Variants in DNAH6 observed in about 807,000 individuals in gnomAD.
The protein encoded by DNAH6 is dynein axonemal heavy chain 6, also known as axonemal beta dynein heavy chain 6.
Under a neutral mutation model 491.4 loss-of-function variants are expected in DNAH6, and 340 were observed. The observed-to-expected ratio is 0.69, with a 90% CI of 0.63 to 0.76. The LOEUF (loss-of-function observed/expected upper bound fraction) is 0.76. DNAH6 is among the 30% of genes least tolerant of loss of function. The pLI is 0.00. For missense variants in DNAH6, 4,443 were observed against 4,972.2 expected, an observed-to-expected ratio of 0.89 and a Z score of 3.20; for synonymous variants, 1,603 against 1,686.1, an observed-to-expected ratio of 0.95 and a Z score of 1.21.
chr2:84,542,425 G>C (rs920710800), intron 4 of DNAH6, among the ~76,000 whole-genome samples: 1 of 152,086 alleles, frequency 6.6e-6, no homozygotes, highest in Admixed American at 6.6e-5. Context: ...GCAATACCTG[G>C]CATTTTTCCA....
chr2:84,473,676 T>C, the DNAH6 span, among the ~76,000 whole-genome samples: 120 of 152,336 alleles, frequency 7.9e-4, 1 homozygote, highest in Middle Eastern at 0.017. Flanking sequence ...TAATAATTTT[T>C]GGAAATCATT....
chr2:84,611,706 C>G lies in DNAH6; in HGVS notation c.3327C>G (p.Leu1109=), dbSNP rs893034258. 1 of 1,550,922 alleles carries G rather than the reference C, an allele frequency of 6.4e-7. No homozygotes were observed. Among genetic ancestry groups the G allele is most frequent in the South Asian group, 1.2e-5 (1 of 83,976 alleles). The change falls in exon 22 of 77, where the codon CTC becomes CTG. Residue 1109 remains leucine, a synonymous_variant. Transcript: ENST00000389394. ...GGCTGACCTGCCAGAGAAACTGGCT[C>G]TACCTAGAAAGTATTTTCAATGCTC... is the stretch of plus-strand genomic sequence containing the variant. ...EEWLTCQRNW[L]YLESIFNAPD...
intron 76 of DNAH6, among the ~76,000 whole-genome samples, chr2:84,817,309 A>G (rs1680586856): frequency 6.6e-6 from 1 of 152,264 alleles, no homozygotes; most frequent in Admixed American, 6.5e-5. Flanking sequence ...CACCGTGCAT[A>G]TAAAAAGATA....
intron 46 of DNAH6, among the ~76,000 whole-genome samples, chr2:84,697,300 T>C (rs1044173916): frequency 2.0e-5 from 3 of 152,158 alleles, no homozygotes; most frequent in Non-Finnish European, 4.4e-5. Context: ...TTAGTATTAA[T>C]GATAAAATGG....
chr2:84,493,016 C>G, the DNAH6 span, among the ~76,000 whole-genome samples: 1 of 151,884 alleles, frequency 6.6e-6, no homozygotes, highest in African/African-American at 2.4e-5. Flanking sequence ...ATATATTTTT[C>G]TATATACTAC....
intron 11 of DNAH6, among the ~76,000 whole-genome samples, chr2:84,562,474 T>C (rs1215007757): frequency 6.6e-6 from 1 of 152,116 alleles, no homozygotes; most frequent in Non-Finnish European, 1.5e-5. Context: ...AATGAAAAGA[T>C]GCTCAATGTT....
intron 43 of DNAH6, among the ~76,000 whole-genome samples, 186 bp from the exon 44 acceptor site, chr2:84,686,298 C>G (rs1280012046): frequency 6.6e-6 from 1 of 152,002 alleles, no homozygotes; most frequent in Non-Finnish European, 1.5e-5. Context: ...TATTCTTAAT[C>G]TTAAACTTGG....
chr2:84,767,735 C>A (rs1675224179), intron 64 of DNAH6, among the ~76,000 whole-genome samples: 1 of 151,870 alleles, frequency 6.6e-6, no homozygotes, highest in Non-Finnish European at 1.5e-5. Context: ...GAGAAGAGTG[C>A]AGAATATTTT....
the DNAH6 span, among the ~76,000 whole-genome samples, chr2:84,504,944 T>G: frequency 2.0e-5 from 3 of 152,172 alleles, no homozygotes; most frequent in Non-Finnish European, 4.4e-5. Flanking sequence ...TACATCAATT[T>G]GGGGAGTATT....
chr2:84,784,697 G>T (rs1553498340), intron 65 of DNAH6, 25 bp from the exon 66 acceptor site: 12 of 1,477,492 alleles, frequency 8.1e-6, no homozygotes, highest in Admixed American at 6.2e-5. Context: ...TTCCTTTTTT[G>T]TTGTTTTATC....
chr2:84,665,948 T>A (rs1044539009), intron 37 of DNAH6, among the ~76,000 whole-genome samples: 2 of 152,174 alleles, frequency 1.3e-5, no homozygotes, highest in African/African-American at 4.8e-5. Context: ...TGGTTCAGCA[T>A]ACACAAATCA....
chr2:84,588,235 C>T (rs1241174724), intron 15 of DNAH6, among the ~76,000 whole-genome samples: 3 of 152,210 alleles, frequency 2.0e-5, no homozygotes, highest in Non-Finnish European at 4.4e-5. Context: ...AAGACTTGGA[C>T]TAACTAGCCT....
intron 18 of DNAH6, among the ~76,000 whole-genome samples, chr2:84,603,733 A>C (rs1430132894): frequency 1.3e-5 from 2 of 152,190 alleles, no homozygotes; most frequent in Admixed American, 1.3e-4. Context: ...TTATAGGAAG[A>C]GATATCTTCA....
At chr2:84,470,520 G>A in the DNAH6 span, among the ~76,000 whole-genome samples, 3 of 152,116 alleles carry the variant, frequency 2.0e-5, no homozygotes, top group African/African-American at 7.2e-5. Context: ...CATCACCATG[G>A]CATTTGTAAA....
intron 37 of DNAH6, among the ~76,000 whole-genome samples, chr2:84,661,082 T>G (rs1049204393): frequency 6.6e-6 from 1 of 152,170 alleles, no homozygotes; most frequent in Non-Finnish European, 1.5e-5. Context: ...TATGTCCTTT[T>G]GTCTTCATCC....
At chr2:84,473,420 T>C in the DNAH6 span, among the ~76,000 whole-genome samples, 5 of 152,208 alleles carry the variant, frequency 3.3e-5, no homozygotes, top group African/African-American at 1.2e-4. Context: ...GATCATCCTG[T>C]TGAACTATAA....
chr2:84,601,014 T>TTATAATAATAACGTTATTATTATAC (rs1685165234), intron 18 of DNAH6, among the ~76,000 whole-genome samples: 2 of 133,436 alleles, frequency 1.5e-5, no homozygotes, highest in African/African-American at 7.2e-5. Flanking sequence ...TATAATAATA[T>TTATAATAATAACGTTATTATTATAC]TATAATAATA....
At chr2:84,649,581 T>C (rs1690222103) in intron 33 of DNAH6, among the ~76,000 whole-genome samples, 1 of 152,188 alleles carries the variant, frequency 6.6e-6, no homozygotes, top group African/African-American at 2.4e-5. Context: ...CTTTCAGGAC[T>C]TGAAAGCTGT....
chr2:84,655,424 C>A (rs557003543), intron 35 of DNAH6, among the ~76,000 whole-genome samples: 1 of 152,214 alleles, frequency 6.6e-6, no homozygotes, highest in East Asian at 1.9e-4. Flanking sequence ...CTTAGCTTAA[C>A]AAGTAGTCCT....
Sources: gnomAD v4.1 joint callset for allele counts (sites outside exome capture counted in the v4.1 genomes callset) on GRCh38, gnomAD v4.1.1 for gene constraint, MANE v1.5 for transcripts, NCBI Gene and HGNC (gene_info 2026-07-23, HGNC 2026-07-21) for gene names.